Variants in ASIC2 observed in about 807,000 individuals in gnomAD.
ASIC2 encodes acid-sensing ion channel 2.
In ASIC2, 25 loss-of-function variants were observed where a neutral mutation model predicts 57.3. The observed-to-expected ratio is 0.44, with a 90% CI of 0.32 to 0.61. The LOEUF (loss-of-function observed/expected upper bound fraction) is 0.61. Ranked by LOEUF, ASIC2 falls within the 20% of genes least tolerant of loss-of-function variation. The pLI, the probability that ASIC2 is intolerant of heterozygous loss-of-function variation, is 0.06. For missense variants in ASIC2, 641 were observed against 738.1 expected (o/e 0.87, Z 1.52); for synonymous variants, 319 against 307.5 (o/e 1.04, Z -0.39).
intron 1 of ASIC2, among the ~76,000 whole-genome samples, chr17:33,313,744 C>A (rs1049724106): frequency 1.3e-5 from 2 of 152,108 alleles, no homozygotes; most frequent in Non-Finnish European, 2.9e-5. Context: ...TTGCCCATTA[C>A]ACATGCCGTT....
chr17:33,505,402 CT>C (rs769007285), intron 1 of ASIC2, among the ~76,000 whole-genome samples: 31 of 152,130 alleles, frequency 2.0e-4, no homozygotes, highest in African/African-American at 3.4e-4. Context: ...ATACAACTAT[CT>C]TGCAGTTAAT....
chr17:33,451,116 G>A (rs1912231848), intron 1 of ASIC2, among the ~76,000 whole-genome samples: 1 of 151,782 alleles, frequency 6.6e-6, no homozygotes, highest in Non-Finnish European at 1.5e-5. Context: ...GAGTGCAGTG[G>A]TGCAGTCTCA....
chr17:33,045,227 A>C (rs1482072548), intron 3 of ASIC2, among the ~76,000 whole-genome samples: 1 of 152,182 alleles, frequency 6.6e-6, no homozygotes, highest in African/African-American at 2.4e-5. Flanking sequence ...TATCACTAGC[A>C]GGTCTCGCCC....
At chr17:34,099,794 G>T (rs1427695527) in intron 1 of ASIC2, among the ~76,000 whole-genome samples, 1 of 93,178 alleles carries the variant, frequency 1.1e-5, no homozygotes, top group Admixed American at 1.0e-4. Context: ...AAGAAAGAAA[G>T]AAAGAAAGAA....
intron 1 of ASIC2, among the ~76,000 whole-genome samples, chr17:33,745,964 T>G (rs986338059): frequency 2.0e-5 from 3 of 152,122 alleles, no homozygotes; most frequent in African/African-American, 7.2e-5. Context: ...TATAAAACAA[T>G]ATGTATATAA....
At chr17:33,420,690 A>G (rs1567855525) in intron 1 of ASIC2, among the ~76,000 whole-genome samples, 1 of 152,182 alleles carries the variant, frequency 6.6e-6, no homozygotes, top group African/African-American at 2.4e-5. Flanking sequence ...CCTCCAAAAT[A>G]GTTTGAATTT....
At position 33,921,890 on chromosome 17, in the gene ASIC2, C is replaced by T. The variant is rs1915716247; in HGVS notation, c.555+234088G>A. On this transcript the variant is annotated intron_variant, in intron 1 of 9. Transcript: ENST00000359872. ...ATATTATCAAATGGGCTTTGCCTCC[C>T]TCTCTCTTGAAGCAGCCCCTCCCTA... is the stretch of plus-strand genomic sequence containing the variant. 2.0e-5 allele frequency among the ~76,000 whole-genome samples: 3 copies of T among 152,126 alleles called. No individual in the cohort carries two copies. The South Asian group carries it at 6.2e-4, about 32-fold the overall frequency.
At chr17:34,085,476 C>G (rs1032701323) in intron 1 of ASIC2, among the ~76,000 whole-genome samples, 1 of 152,218 alleles carries the variant, frequency 6.6e-6, no homozygotes, top group African/African-American at 2.4e-5. Context: ...CGATGTTCAT[C>G]AAGGATATTG....
At chr17:33,978,703 T>G (rs1481886531) in intron 1 of ASIC2, among the ~76,000 whole-genome samples, 1 of 152,140 alleles carries the variant, frequency 6.6e-6, no homozygotes, top group African/African-American at 2.4e-5. Context: ...AGGGTGACTC[T>G]GGCCCTCTGT....
rs563560379 is a variant in ASIC2 at position 33,037,496 on chromosome 17, C to T, written c.988-9104G>A. Among the ~76,000 whole-genome samples, 47 of 149,648 alleles carry T rather than the reference C, an allele frequency of 3.1e-4. No individual in the cohort carries two copies. In the South Asian group the frequency reaches 4.5e-3, roughly 14 times the overall value. ...CCATCAGCGTCTCTGAAGCCTCACACACAACAGCAGCTGGAAAATTACTGT... is the reference window on the plus strand; with the variant it reads ...CCATCAGCGTCTCTGAAGCCTCACATACAACAGCAGCTGGAAAATTACTGT... On this transcript the variant is annotated intron_variant, in intron 3 of 9. Coordinates refer to ENST00000225823, the MANE Select transcript of ASIC2 (RefSeq NM_183377.2).
chr17:33,581,004 T>C (rs1904418254), intron 1 of ASIC2, among the ~76,000 whole-genome samples: 1 of 152,208 alleles, frequency 6.6e-6, no homozygotes, highest in Admixed American at 6.5e-5. Context: ...GATCTTTGAA[T>C]AGGCTGAGAT....
intron 1 of ASIC2, among the ~76,000 whole-genome samples, chr17:33,527,125 G>A (rs1239839975): frequency 6.6e-6 from 1 of 152,198 alleles, no homozygotes; most frequent in Admixed American, 6.5e-5. Flanking sequence ...GAGAATGCAT[G>A]TGGATGCCTG....
intron 1 of ASIC2, among the ~76,000 whole-genome samples, chr17:33,899,594 G>A (rs181697706): frequency 1.8e-4 from 27 of 152,278 alleles, no homozygotes; most frequent in African/African-American, 5.5e-4. Context: ...GAGATTGGAC[G>A]TGTGATTATG....
chr17:33,334,762 A>G (rs569932667), intron 1 of ASIC2, among the ~76,000 whole-genome samples: 77 of 152,278 alleles, frequency 5.1e-4, no homozygotes, highest in African/African-American at 1.9e-3. Flanking sequence ...CTCTCTTGAC[A>G]TGTACTGACA....
chr17:33,913,012 A>C (rs1335145118), intron 1 of ASIC2, among the ~76,000 whole-genome samples: 1 of 152,016 alleles, frequency 6.6e-6, no homozygotes, highest in Non-Finnish European at 1.5e-5. Flanking sequence ...TAAATAAATA[A>C]ATAAATAAAA....
chr17:33,257,729 ACATT>A (rs1909131105), intron 1 of ASIC2, among the ~76,000 whole-genome samples: 2 of 152,196 alleles, frequency 1.3e-5, no homozygotes, highest in African/African-American at 4.8e-5. Context: ...AGGTCCTGTG[ACATT>A]CAGAGAACAC....
intron 1 of ASIC2, among the ~76,000 whole-genome samples, chr17:33,415,160 A>G (rs879776535): frequency 1.6e-4 from 24 of 149,726 alleles, no homozygotes; most frequent in African/African-American, 5.6e-4. Flanking sequence ...TGGTTAAAAC[A>G]TGACACTTGG....
intron 1 of ASIC2, among the ~76,000 whole-genome samples, chr17:33,268,212 A>G (rs1909545670): frequency 6.6e-6 from 1 of 152,158 alleles, no homozygotes; most frequent in Non-Finnish European, 1.5e-5. Flanking sequence ...TCTATGAGCA[A>G]TCTGATGTCT....
At chr17:33,794,312 G>C (rs1310395683) in intron 1 of ASIC2, 1 of 152,228 alleles carries the variant, frequency 6.6e-6, no homozygotes, top group African/African-American at 2.4e-5. Context: ...CTAAATGCTG[G>C]GCTGCAGCTG....
Sources: gnomAD v4.1 joint callset for allele counts (sites outside exome capture counted in the v4.1 genomes callset) on GRCh38, gnomAD v4.1.1 for gene constraint, MANE v1.5 for transcripts, NCBI Gene and HGNC (gene_info 2026-07-23, HGNC 2026-07-21) for gene names.